The following BCAR1 variants were observed in gnomAD, a reference collection of about 807,000 sequenced individuals.
BCAR1 encodes the protein BCAR1 scaffold protein, Cas family member.
BCAR1 carries 30 observed loss-of-function variants against 67.6 expected under a neutral mutation model. The ratio of observed to expected loss-of-function variants is 0.44; its 90% CI spans 0.33 to 0.60. BCAR1 has a LOEUF of 0.60. Ranked by LOEUF, BCAR1 falls within the 20% of genes least tolerant of loss-of-function variation. The probability of loss-of-function intolerance (pLI) is 0.02; values close to 1 mark genes in which losing one functional copy is unlikely to be tolerated. For missense variants in BCAR1, 1,313 were observed against 1,222.3 expected (o/e 1.07, Z -1.11); for synonymous variants, 626 against 556.7 (o/e 1.12, Z -1.75).
chr16:75,237,836 T>A (rs956489347), intron 2 of BCAR1, among the ~76,000 whole-genome samples: 1 of 152,074 alleles, frequency 6.6e-6, no homozygotes, highest in East Asian at 1.9e-4. Flanking sequence ...GGGGACTGCA[T>A]CCGGCCCAGG....
intron 5 of BCAR1, 97 bp from the exon 6 acceptor site, chr16:75,234,032 G>C: frequency 8.3e-7 from 1 of 1,210,152 alleles, no homozygotes; most frequent in Non-Finnish European, 1.2e-6. Context: ...GTGGCCACCA[G>C]GTGGTGCTGC....
At position 75,235,973 on chromosome 16, in the gene BCAR1, G is replaced by T; in HGVS notation, c.926C>A (p.Pro309His). ...PSNHHAVYDV[P>H]PSVSKDVPDG... ...GGGCACATCCTTGCTCACCGATGGA[G>T]GAACGTCGTAGACCTGGGGGACAAG... The change falls in exon 5 of 7, where the codon CCT (proline) becomes CAT (histidine). Residue 309 changes from proline (P) to histidine (H), a missense_variant. Around this residue, in one of 2 missense-constraint regions of BCAR1, gnomAD observed 1,272 missense variants for 1,137.5 expected, o/e 1.12. Coordinates refer to ENST00000162330, the MANE Select transcript of BCAR1 (RefSeq NM_014567.5). 1 of 1,572,974 alleles carries T rather than the reference G, an allele frequency of 6.4e-7. No individual in the cohort carries two copies.
chr16:75,252,470 G>C (rs556565926), upstream of BCAR1: 6 of 1,386,914 alleles, frequency 4.3e-6, no homozygotes, highest in Non-Finnish European at 5.7e-6. Flanking sequence ...TGGCTCTCCT[G>C]AGTTGCCCCT....
At position 75,235,117 on chromosome 16, in the gene BCAR1, G is replaced by A; in HGVS notation, c.1782C>T (p.Ala594=). Residue 594 remains alanine (A), a synonymous_variant, in exon 5 of 7, where the codon GCC becomes GCT. Transcript: ENST00000162330. ...GTGAGGCATTGCCGTGCAGGAAGGA[G>A]GCCAGCTGCTTGGCGTCCTCGGGCA... ...RAVPEDAKQL[A]SFLHGNASLL... 2 of 1,611,182 alleles carry A rather than the reference G, an allele frequency of 1.2e-6. No individual in the cohort carries two copies. The highest frequency in any genetic ancestry group is 1.7e-6 in the Non-Finnish European group (2 of 1,180,000).
chr16:75,251,417 G>GC, intron 1 of BCAR1, 54 bp downstream of exon 1: 2 of 1,477,062 alleles, frequency 1.4e-6, no homozygotes. Context: ...ACCCCTTCCA[G>GC]CCCGCTGCCG....
At chr16:75,266,529 T>G in intron 1 of BCAR1, 1 of 409,698 alleles carries the variant, frequency 2.4e-6, no homozygotes, top group Non-Finnish European at 4.2e-6. Flanking sequence ...TTCGTGGGCC[T>G]GAGACTTCCT....
intron 6 of BCAR1, among the ~76,000 whole-genome samples, chr16:75,231,075 C>T: frequency 6.8e-6 from 1 of 147,982 alleles, no homozygotes; most frequent in Non-Finnish European, 1.5e-5. Context: ...AAGAAGGAGT[C>T]TTGATCTGTC....
chr16:75,266,147 G>T, intron 1 of BCAR1: 1 of 552,790 alleles, frequency 1.8e-6, no homozygotes, highest in Non-Finnish European at 2.3e-6. Context: ...ATCCCTCGCG[G>T]GCCACCTCCA....
In BCAR1 at chr16:75,237,356, G is replaced by A. The variant is rs746424882; in HGVS notation, c.634-12C>T. 12 of 1,459,262 alleles carry A rather than the reference G, an allele frequency of 8.2e-6. No homozygotes were observed. The Admixed American group carries it at 2.0e-4, about 25-fold the overall frequency. 90.4% of individuals were successfully genotyped at this position (1,459,262 alleles called of 1,614,324 possible). A position where few individuals can be genotyped will look rare whatever the true frequency, so the allele number is the denominator to read the frequency against. On this transcript the variant is annotated splice_polypyrimidine_tract_variant and intron_variant, in intron 2 of 6. Coordinates refer to ENST00000162330, the MANE Select transcript of BCAR1 (RefSeq NM_014567.5). The stretch of plus-strand genomic sequence containing the variant: ...GTGGGCACCACCACCTGGGGGCAGA[G>A]AGCCGACTTCACTGCTGCCCTCAAA...
At position 75,235,825 on chromosome 16, in the gene BCAR1, G is replaced by A. The variant is rs923543187; in HGVS notation, c.1074C>T (p.Ala358=). 2.5e-5 allele frequency: 40 copies of A among 1,578,402 alleles called. No homozygotes were observed. The highest frequency in any genetic ancestry group is 4.6e-5 in the East Asian group (2 of 43,248). ...GGGGCGGCACGTCATACACGTCCTC[G>A]GCCGGCGGGGAGTCTGGAGGGGGCG... is the stretch of plus-strand genomic sequence containing the variant. ...LAAPPPDSPP[A]EDVYDVPPPA... The change falls in exon 5 of 7, where the codon GCC becomes GCT. Residue 358 remains alanine, a synonymous_variant. Coordinates refer to ENST00000162330, the MANE Select transcript of BCAR1 (RefSeq NM_014567.5).
At chr16:75,240,465 C>T (rs935559259) in intron 2 of BCAR1, among the ~76,000 whole-genome samples, 16 of 152,208 alleles carry the variant, frequency 1.1e-4, no homozygotes, top group Admixed American at 1.3e-4. Flanking sequence ...CAGGGACAAG[C>T]TTTAAGAATT....
At chr16:75,265,748 G>C in intron 1 of BCAR1, 1 of 1,192,692 alleles carries the variant, frequency 8.4e-7, no homozygotes, top group Non-Finnish European at 1.0e-6. Flanking sequence ...CGCGGCATCA[G>C]GCCCGCAGCG....
At position 75,235,656 on chromosome 16, in the gene BCAR1, G is replaced by C; in HGVS notation, c.1243C>G (p.Pro415Ala). Residue 415 changes from proline (P) to alanine (A), a missense_variant, in exon 5 of 7, where the codon CCA becomes GCA. Physicochemically the swap from Pro to Ala is conservative, Grantham distance 27. Around this residue, in one of 2 missense-constraint regions of BCAR1, gnomAD observed 1,272 missense variants for 1,137.5 expected, o/e 1.12. Transcript: ENST00000162330. The part of the protein sequence containing the change: ...VDSGVYAVPP[P>A]AEREAPAEGK... ...TCTGCCGGGGCTTCACGTTCAGCTG[G>C]GGGAGGCACCGCATACACACCACTG... 1 of 1,610,570 alleles carries C rather than the reference G, an allele frequency of 6.2e-7. No individual in the cohort carries two copies. Among genetic ancestry groups the C allele is most frequent in the Non-Finnish European group, 8.5e-7 (1 of 1,178,086 alleles).
At chr16:75,239,157 AG>A in intron 2 of BCAR1, 1 of 967,004 alleles carries the variant, frequency 1.0e-6, no homozygotes, top group African/African-American at 1.8e-5. Flanking sequence ...AAAGCTCTTT[AG>A]GGGAATGACT....
rs945553725 is a variant in BCAR1, at chr16:75,263,992, G to T, written c.66+3923C>A. The stretch of plus-strand genomic sequence containing the variant: ...AGCCACGTAGGGGGCAGATGGCAAA[G>T]ACCTCTGCCCACCCCCAGCAGAATT... On this transcript the variant is annotated intron_variant, in intron 1 of 6. Transcript: ENST00000393422. 5.0e-6 allele frequency: 6 copies of T among 1,189,800 alleles called. No homozygotes were observed. In the East Asian group the frequency reaches 2.2e-4, roughly 43 times the overall value. The allele number at this position is 1,189,800 out of a possible 1,614,324, so 73.7% of individuals were successfully genotyped here.
At chr16:75,260,413 C>T (rs887168188) in intron 1 of BCAR1, among the ~76,000 whole-genome samples, 44 of 152,168 alleles carry the variant, frequency 2.9e-4, no homozygotes, top group African/African-American at 9.4e-4. Context: ...CGGAGGCAGA[C>T]GGATGAGGTC....
At chr16:75,266,724 G>T (rs936699147) in intron 1 of BCAR1, 69 of 1,421,040 alleles carry the variant, frequency 4.9e-5, no homozygotes, top group Non-Finnish European at 6.0e-5. Flanking sequence ...CCACTCAAAG[G>T]AAGGACCAGG....
chr16:75,265,916 C>A, intron 1 of BCAR1: 2 of 1,110,368 alleles, frequency 1.8e-6, no homozygotes, highest in South Asian at 4.4e-5. Context: ...CGCTCAGAGG[C>A]CCCGCGAGGG....
intron 5 of BCAR1, among the ~76,000 whole-genome samples, chr16:75,234,160 G>C (rs1363106970): frequency 2.3e-5 from 2 of 87,804 alleles, no homozygotes; most frequent in African/African-American, 4.0e-5. Context: ...GGGGCAGGCA[G>C]ACAGACACAC....
Sources: gnomAD v4.1 joint callset for allele counts (sites outside exome capture counted in the v4.1 genomes callset) on GRCh38, gnomAD v4.1.1 for gene constraint, gnomAD v4.1.1 regional missense constraint, MANE v1.5 for transcripts, NCBI Gene and HGNC (gene_info 2026-07-23, HGNC 2026-07-21) for gene names.